Variants in DTNA observed in about 807,000 individuals in gnomAD.
DTNA encodes the protein dystrophin-related protein 3.
A neutral mutation model predicts 100.7 loss-of-function variants in DTNA; 43 were observed. The ratio of observed to expected loss-of-function variants is 0.43; its 90% CI spans 0.33 to 0.55. The LOEUF is 0.55. DTNA is among the 20% of genes least tolerant of loss of function. The probability of loss-of-function intolerance (pLI) is 0.04; values close to 1 mark genes in which losing one functional copy is unlikely to be tolerated. For missense variants in DTNA, 798 were observed against 953.9 expected (o/e 0.84, Z 2.15); for synonymous variants, 349 against 347.9 (o/e 1.00, Z -0.04).
intron 1 of DTNA, among the ~76,000 whole-genome samples, chr18:34,651,548 C>T (rs1377128886): frequency 2.0e-5 from 3 of 152,136 alleles, no homozygotes; most frequent in Non-Finnish European, 4.4e-5. Context: ...ATTCACTTAA[C>T]AAATTAACTT....
chr18:34,869,856 C>A (rs1487786377), intron 17 of DTNA, among the ~76,000 whole-genome samples: 3 of 152,092 alleles, frequency 2.0e-5, no homozygotes, highest in Non-Finnish European at 4.4e-5. Flanking sequence ...CCTGTCTCTA[C>A]TAAAAATACA....
At chr18:34,590,004 G>A (rs1328833769) in intron 1 of DTNA, among the ~76,000 whole-genome samples, 1 of 152,114 alleles carries the variant, frequency 6.6e-6, no homozygotes, top group East Asian at 1.9e-4. Flanking sequence ...TCATTCCTCT[G>A]TCATTGAACA....
chr18:34,499,979 A>C (rs926980804), intron 1 of DTNA, among the ~76,000 whole-genome samples: 1 of 152,190 alleles, frequency 6.6e-6, no homozygotes, highest in African/African-American at 2.4e-5. Flanking sequence ...TATTGAACTC[A>C]TAATAGATTG....
At chr18:34,644,572 C>T (rs2059632138) in intron 1 of DTNA, among the ~76,000 whole-genome samples, 1 of 152,036 alleles carries the variant, frequency 6.6e-6, no homozygotes, top group African/African-American at 2.4e-5. Context: ...TTGGGTTAGT[C>T]ACTGTTGATT....
At chr18:34,776,706 C>T (rs1050544188) in intron 3 of DTNA, among the ~76,000 whole-genome samples, 2 of 152,208 alleles carry the variant, frequency 1.3e-5, no homozygotes, top group African/African-American at 4.8e-5. Flanking sequence ...CAGATTAGAT[C>T]TTGTCACTTC....
At chr18:34,562,077 T>C (rs543638197) in intron 1 of DTNA, among the ~76,000 whole-genome samples, 96 of 152,360 alleles carry the variant, frequency 6.3e-4, no homozygotes, top group African/African-American at 2.2e-3. Context: ...AGTTATGTGG[T>C]GTTTTCTGTA....
In DTNA at chr18:34,640,532, C is replaced by T. The variant is rs373814886; in HGVS notation, c.-1-115444C>T. Among the ~76,000 whole-genome samples, 25 of 152,326 alleles carry T rather than the reference C, an allele frequency of 1.6e-4. No individual in the cohort carries two copies. The South Asian group carries it at 2.1e-3, about 13-fold the overall frequency. On this transcript the variant is annotated intron_variant, in intron 1 of 19. Coordinates refer to the DTNA transcript ENST00000283365. ...CCAGTGCCAATCACAGACATTCATT[C>T]GTTCACTTATTTGTTCATTCATCCT...
intron 4 of DTNA, among the ~76,000 whole-genome samples, chr18:34,797,821 G>A (rs943293211): frequency 6.6e-6 from 1 of 152,056 alleles, no homozygotes; most frequent in African/African-American, 2.4e-5. Flanking sequence ...ACCTGATTCT[G>A]CTATTGTCTT....
chr18:34,499,140 C>T (rs1251346513), intron 1 of DTNA, among the ~76,000 whole-genome samples: 1 of 152,166 alleles, frequency 6.6e-6, no homozygotes, highest in African/African-American at 2.4e-5. Flanking sequence ...TAACTACCAC[C>T]CACCTCCAAC....
At chr18:34,532,075 T>C (rs950483421) in intron 1 of DTNA, among the ~76,000 whole-genome samples, 1 of 152,128 alleles carries the variant, frequency 6.6e-6, no homozygotes, top group Non-Finnish European at 1.5e-5. Flanking sequence ...CCCATTATTG[T>C]AAAAGCCCCT....
At chr18:34,784,204 A>C (rs2094434977) in intron 3 of DTNA, among the ~76,000 whole-genome samples, 1 of 152,208 alleles carries the variant, frequency 6.6e-6, no homozygotes, top group Admixed American at 6.5e-5. Flanking sequence ...TAACTCACAT[A>C]GTAGTCTGAA....
At chr18:34,881,917 T>C in intron 20 of DTNA, 152 bp from the exon 21 acceptor site, 1 of 1,012,636 alleles carries the variant, frequency 9.9e-7, no homozygotes, top group South Asian at 1.5e-5. Flanking sequence ...TGTTTCCAAG[T>C]TTTTTTTAGG....
intron 4 of DTNA, among the ~76,000 whole-genome samples, chr18:34,802,520 G>A (rs1157550266): frequency 6.6e-6 from 1 of 152,138 alleles, no homozygotes; most frequent in Non-Finnish European, 1.5e-5. Flanking sequence ...GGATGTATCA[G>A]CTTTTCTCTA....
chr18:34,879,815 A>C, intron 20 of DTNA, 96 bp downstream of exon 20: 1 of 1,501,224 alleles, frequency 6.7e-7, no homozygotes, highest in Non-Finnish European at 9.1e-7. Flanking sequence ...GGTTTTTTTA[A>C]CCTTCAGAAG....
At chr18:34,701,927 C>G (rs1472415741) in intron 1 of DTNA, among the ~76,000 whole-genome samples, 1 of 152,152 alleles carries the variant, frequency 6.6e-6, no homozygotes, top group Non-Finnish European at 1.5e-5. Flanking sequence ...TTCCTCTGTC[C>G]CATCCACTCT....
intron 1 of DTNA, among the ~76,000 whole-genome samples, chr18:34,523,074 C>T (rs2042293989): frequency 1.3e-5 from 2 of 152,088 alleles, no homozygotes; most frequent in Non-Finnish European, 2.9e-5. Context: ...TGTTAGAGAC[C>T]CTCTTTACTC....
intron 1 of DTNA, among the ~76,000 whole-genome samples, chr18:34,606,954 C>T (rs1325910662): frequency 6.6e-6 from 1 of 152,068 alleles, no homozygotes. Flanking sequence ...TTTAGTGCTT[C>T]GAAATCCAAA....
chr18:34,640,803 A>G (rs1010871950), intron 1 of DTNA, among the ~76,000 whole-genome samples: 1 of 152,096 alleles, frequency 6.6e-6, no homozygotes, highest in African/African-American at 2.4e-5. Flanking sequence ...CTAGTTCCCT[A>G]TTTTCATGTT....
intron 11 of DTNA, among the ~76,000 whole-genome samples, chr18:34,831,245 C>A (rs1249847867): frequency 6.6e-6 from 1 of 152,128 alleles, no homozygotes; most frequent in Non-Finnish European, 1.5e-5. Flanking sequence ...CTTTTACCTC[C>A]AATTTTAGAA....
Sources: allele counts gnomAD v4.1 joint callset (sites outside exome capture counted in the v4.1 genomes callset), GRCh38; gene constraint gnomAD v4.1.1; transcripts MANE v1.5; gene names NCBI Gene and HGNC (gene_info 2026-07-23, HGNC 2026-07-21).